Variants in THEMIS observed in about 807,000 individuals in gnomAD.
THEMIS encodes thymocyte selection associated.
A neutral mutation model predicts 52.6 loss-of-function variants in THEMIS; 37 were observed. The ratio of observed to expected loss-of-function variants is 0.70; its 90% CI spans 0.54 to 0.93. THEMIS has a LOEUF of 0.93. Ranked by LOEUF, THEMIS falls within the 40% of genes least tolerant of loss-of-function variation. THEMIS has a pLI of 0.00. For missense variants in THEMIS, 808 were observed against 763.1 expected (o/e 1.06, Z -0.69); for synonymous variants, 292 against 272.7 (o/e 1.07, Z -0.70).
chr6:127,776,874 T>C (rs1776583893), intron 4 of THEMIS, among the ~76,000 whole-genome samples: 1 of 152,172 alleles, frequency 6.6e-6, no homozygotes, highest in Non-Finnish European at 1.5e-5. Flanking sequence ...ATATAAGAAA[T>C]GTGATATCTT....
At chr6:127,699,372 AC>A in the THEMIS span, among the ~76,000 whole-genome samples, 2 of 151,412 alleles carry the variant, frequency 1.3e-5, no homozygotes, top group Non-Finnish European at 3.0e-5. Flanking sequence ...TAATTAAGTA[AC>A]ATCTCAGATG....
intron 2 of THEMIS, among the ~76,000 whole-genome samples, chr6:127,845,053 T>TA (rs397885879): frequency 0.053 from 7,505 of 141,946 alleles, 209 homozygotes; most frequent in African/African-American, 0.074. Flanking sequence ...CAAATTTTAG[T>TA]AAAAAAAAAA....
intron 4 of THEMIS, among the ~76,000 whole-genome samples, chr6:127,730,610 C>T (rs1288582664): frequency 6.6e-6 from 1 of 152,114 alleles, no homozygotes; most frequent in Admixed American, 6.5e-5. Context: ...CACTGCAATT[C>T]TTTGGAAGAT....
intron 1 of THEMIS, among the ~76,000 whole-genome samples, chr6:127,866,182 CTG>C (rs936116448): frequency 2.0e-5 from 3 of 151,830 alleles, no homozygotes. Context: ...CCTTCGTTTT[CTG>C]TTTTATTGAA....
At chr6:127,917,186 A>C (rs2114544937) in intron 1 of THEMIS, among the ~76,000 whole-genome samples, 1 of 152,342 alleles carries the variant, frequency 6.6e-6, no homozygotes, top group South Asian at 2.1e-4. Flanking sequence ...AAACTATAGC[A>C]GAAAGATTAC....
chr6:127,733,559 C>A (rs1774883457), intron 4 of THEMIS, among the ~76,000 whole-genome samples: 1 of 152,148 alleles, frequency 6.6e-6, no homozygotes, highest in Non-Finnish European at 1.5e-5. Flanking sequence ...GATCCAGTAG[C>A]CACAACTGCC....
chr6:127,858,380 A>G (rs1217004338), intron 1 of THEMIS, among the ~76,000 whole-genome samples: 1 of 152,112 alleles, frequency 6.6e-6, no homozygotes, highest in Non-Finnish European at 1.5e-5. Context: ...ATGTTCTTCA[A>G]CCAAGAAAGC....
the THEMIS span, among the ~76,000 whole-genome samples, chr6:127,702,742 G>A: frequency 6.6e-6 from 1 of 152,106 alleles, no homozygotes; most frequent in East Asian, 1.9e-4. Flanking sequence ...AGTTCCATGT[G>A]GCTGTGGAGG....
chr6:127,882,736 A>G (rs1035170690), intron 1 of THEMIS, among the ~76,000 whole-genome samples: 3 of 151,940 alleles, frequency 2.0e-5, no homozygotes, highest in Non-Finnish European at 2.9e-5. Context: ...AGAACTTAAA[A>G]AAAAGCTTTT....
intron 2 of THEMIS, among the ~76,000 whole-genome samples, chr6:127,837,001 A>G (rs2114683111): frequency 6.6e-6 from 1 of 152,322 alleles, no homozygotes; most frequent in South Asian, 2.1e-4. Context: ...TCCAGGAAAG[A>G]GCACAGCATT....
At chr6:127,765,886 T>C (rs1260594230) in intron 4 of THEMIS, among the ~76,000 whole-genome samples, 1 of 152,156 alleles carries the variant, frequency 6.6e-6, no homozygotes, top group Non-Finnish European at 1.5e-5. Flanking sequence ...TCTCAGAACA[T>C]ATCATAGTCA....
At chr6:127,913,085 C>T (rs1562336533) in intron 1 of THEMIS, among the ~76,000 whole-genome samples, 1 of 152,076 alleles carries the variant, frequency 6.6e-6, no homozygotes, top group African/African-American at 2.4e-5. Flanking sequence ...CATCAGTGGC[C>T]AAGTGAACGT....
intron 4 of THEMIS, among the ~76,000 whole-genome samples, chr6:127,772,990 TA>T (rs1776438298): frequency 6.6e-6 from 1 of 152,188 alleles, no homozygotes; most frequent in African/African-American, 2.4e-5. Context: ...TAGCACTGGA[TA>T]AGTTCCAAAA....
chr6:127,820,247 A>G (rs905251073), intron 3 of THEMIS, among the ~76,000 whole-genome samples: 1 of 152,168 alleles, frequency 6.6e-6, no homozygotes, highest in Non-Finnish European at 1.5e-5. Flanking sequence ...GAAAAATAGC[A>G]TATTTAATTT....
chr6:127,822,004 T>A (rs1309528404), intron 3 of THEMIS, among the ~76,000 whole-genome samples: 1 of 151,982 alleles, frequency 6.6e-6, no homozygotes, highest in Non-Finnish European at 1.5e-5. Context: ...CAACTTCTAG[T>A]TCCTCCATTA....
intron 4 of THEMIS, among the ~76,000 whole-genome samples, chr6:127,726,330 C>T (rs527819715): frequency 6.6e-5 from 10 of 152,206 alleles, no homozygotes; most frequent in African/African-American, 2.4e-4. Flanking sequence ...GAAGACAGCA[C>T]CCCATCTCAA....
intron 4 of THEMIS, among the ~76,000 whole-genome samples, chr6:127,787,902 T>TAGAC (rs1777027716): frequency 6.6e-6 from 1 of 151,218 alleles, no homozygotes; most frequent in Non-Finnish European, 1.5e-5. Flanking sequence ...GATAGATAGA[T>TAGAC]AGATAGATAG....
chr6:127,705,846 G>T (rs1314597862), downstream of THEMIS, among the ~76,000 whole-genome samples: 3 of 152,158 alleles, frequency 2.0e-5, no homozygotes, highest in East Asian at 1.9e-4. Flanking sequence ...ATTTTTGAAG[G>T]TTCAGCTGAG....
intron 1 of THEMIS, among the ~76,000 whole-genome samples, chr6:127,891,399 G>T (rs1780800702): frequency 6.6e-6 from 1 of 151,862 alleles, no homozygotes. Flanking sequence ...AACCAGGCCT[G>T]GTGGCGGGCA....
Sources: gnomAD v4.1 joint callset for allele counts (sites outside exome capture counted in the v4.1 genomes callset) on GRCh38, gnomAD v4.1.1 for gene constraint, MANE v1.5 for transcripts, NCBI Gene and HGNC (gene_info 2026-07-23, HGNC 2026-07-21) for gene names.